The following SHANK2 variants were observed in gnomAD, a reference collection of about 807,000 sequenced individuals.
The protein encoded by SHANK2 is SH3 and multiple ankyrin repeat domains 2.
A neutral mutation model predicts 133.7 loss-of-function variants in SHANK2; 43 were observed. The observed-to-expected ratio is 0.32, with a 90% CI of 0.25 to 0.41. SHANK2 has a LOEUF of 0.41. Among genes scored for constraint, SHANK2 ranks in the 10% least tolerant of loss-of-function variants. The probability of loss-of-function intolerance (pLI) is 1.00; values close to 1 mark genes in which losing one functional copy is unlikely to be tolerated. For synonymous variants in SHANK2, 1,017 were observed against 952.8 expected (o/e 1.07, Z -1.24); for missense variants, 1,994 against 2,235.8 (o/e 0.89, Z 2.18).
intron 17 of SHANK2, among the ~76,000 whole-genome samples, chr11:70,567,789 G>C (rs556379228): frequency 1.3e-5 from 2 of 152,164 alleles, no homozygotes; most frequent in Admixed American, 6.5e-5. Context: ...AGAACTGTGA[G>C]AGTCAACGTC....
At chr11:70,655,619 G>A (rs1054508569) in intron 17 of SHANK2, among the ~76,000 whole-genome samples, 1 of 152,152 alleles carries the variant, frequency 6.6e-6, no homozygotes, top group African/African-American at 2.4e-5. Flanking sequence ...CTGTTGAGTT[G>A]AACTGTAAGG....
At chr11:70,824,756 G>A (rs1038103611) in intron 11 of SHANK2, among the ~76,000 whole-genome samples, 6 of 152,290 alleles carry the variant, frequency 3.9e-5, no homozygotes, top group East Asian at 1.9e-4. Context: ...ACAAAGATAC[G>A]ACTGGCCCAG....
intron 10 of SHANK2, among the ~76,000 whole-genome samples, chr11:70,915,844 ATGACT>A (rs1487659036): frequency 1.6e-4 from 25 of 152,182 alleles, no homozygotes; most frequent in Non-Finnish European, 2.9e-5. Flanking sequence ...AGACTTCTGG[ATGACT>A]TGACTTATGA....
chr11:70,602,600 T>A (rs2060515388), intron 17 of SHANK2, among the ~76,000 whole-genome samples: 1 of 152,208 alleles, frequency 6.6e-6, no homozygotes, highest in African/African-American at 2.4e-5. Context: ...AAACATTTCA[T>A]CCTCTTCTTT....
At chr11:71,125,424 G>A (rs1441727072) in intron 3 of SHANK2, among the ~76,000 whole-genome samples, 1 of 152,200 alleles carries the variant, frequency 6.6e-6, no homozygotes, top group Non-Finnish European at 1.5e-5. Flanking sequence ...GTGCTGACAG[G>A]GAGAAGGTTT....
intron 14 of SHANK2, among the ~76,000 whole-genome samples, chr11:70,751,025 C>G (rs535435053): frequency 6.6e-6 from 1 of 151,552 alleles, no homozygotes; most frequent in African/African-American, 2.4e-5. Flanking sequence ...CAACTCTCAA[C>G]GGAAACAATA....
intron 2 of SHANK2, among the ~76,000 whole-genome samples, chr11:71,164,035 G>A (rs1271863021): frequency 6.6e-6 from 1 of 152,100 alleles, no homozygotes; most frequent in African/African-American, 2.4e-5. Context: ...GATCTAAAAG[G>A]AAATGTAAAA....
intron 17 of SHANK2, among the ~76,000 whole-genome samples, chr11:70,646,820 T>TTTTATTTA (rs142747571): frequency 0.024 from 3,416 of 140,064 alleles, 72 homozygotes; most frequent in Middle Eastern, 0.081. Context: ...GGAATCTAAC[T>TTTTATTTA]TTTATTTATT....
intron 14 of SHANK2, among the ~76,000 whole-genome samples, chr11:70,743,917 A>G (rs1042806109): frequency 2.0e-5 from 3 of 152,044 alleles, no homozygotes; most frequent in African/African-American, 7.2e-5. Context: ...CCAAACCCTC[A>G]GGGTCCTCTT....
chr11:71,198,273 T>C (rs1555116520), intron 2 of SHANK2, among the ~76,000 whole-genome samples: 1 of 152,168 alleles, frequency 6.6e-6, no homozygotes. Flanking sequence ...ATGTTATGAA[T>C]GTTGTGGCTG....
At chr11:70,717,726 A>G (rs1380152937) in intron 14 of SHANK2, among the ~76,000 whole-genome samples, 3 of 152,080 alleles carry the variant, frequency 2.0e-5, no homozygotes, top group Non-Finnish European at 4.4e-5. Flanking sequence ...GGGTGTGACC[A>G]TCTCACTCGG....
intron 10 of SHANK2, among the ~76,000 whole-genome samples, chr11:70,900,080 G>A (rs1950002265): frequency 1.3e-5 from 2 of 152,250 alleles, no homozygotes; most frequent in South Asian, 4.1e-4. Flanking sequence ...TATGGGCCAG[G>A]CGCTGCGGCT....
At chr11:70,929,678 C>G (rs7112742) in intron 10 of SHANK2, among the ~76,000 whole-genome samples, 55,066 of 152,132 alleles carry the variant, frequency 0.36, 14,344 homozygotes, top group African/African-American at 0.74. Context: ...ATAACATGGG[C>G]CTGACTCAGA....
At chr11:70,599,857 GAAAT>G (rs1316119430) in intron 17 of SHANK2, among the ~76,000 whole-genome samples, 4 of 93,826 alleles carry the variant, frequency 4.3e-5, no homozygotes, top group Middle Eastern at 4.9e-3. Context: ...ACGAAAGAAA[GAAAT>G]AAAAAGAAAG....
chr11:70,727,774 G>A (rs983481287), intron 14 of SHANK2, among the ~76,000 whole-genome samples: 11 of 152,316 alleles, frequency 7.2e-5, no homozygotes, highest in African/African-American at 1.9e-4. Flanking sequence ...AGCCCTACCC[G>A]CAAGCATTCA....
At chr11:70,515,654 A>AC (rs1442126467) in intron 17 of SHANK2, among the ~76,000 whole-genome samples, 4 of 151,068 alleles carry the variant, frequency 2.6e-5, no homozygotes, top group Non-Finnish European at 5.9e-5. Flanking sequence ...AAAAAAAAAA[A>AC]AAAAAACATT....
intron 11 of SHANK2, among the ~76,000 whole-genome samples, chr11:70,880,152 C>T (rs782425567): frequency 2.6e-5 from 4 of 152,316 alleles, no homozygotes; most frequent in African/African-American, 9.6e-5. Context: ...CACCTGCTAG[C>T]CTGGGCATAG....
chr11:70,540,663 T>C (rs1554975000), intron 17 of SHANK2, among the ~76,000 whole-genome samples: 3 of 151,954 alleles, frequency 2.0e-5, no homozygotes, highest in Non-Finnish European at 4.4e-5. Flanking sequence ...AAAATCCATA[T>C]AACATAAAAC....
chr11:70,720,469 G>A (rs573380658), intron 14 of SHANK2, among the ~76,000 whole-genome samples: 1 of 152,286 alleles, frequency 6.6e-6, no homozygotes, highest in South Asian at 2.1e-4. Context: ...GAAAAAGTGG[G>A]GATGGAGAAA....
Sources: allele counts gnomAD v4.1 joint callset (sites outside exome capture counted in the v4.1 genomes callset), GRCh38; gene constraint gnomAD v4.1.1; transcripts MANE v1.5; gene names NCBI Gene and HGNC (gene_info 2026-07-23, HGNC 2026-07-21).